EXPH5: variants seen among roughly 807,000 people sequenced by gnomAD.
EXPH5 encodes the protein exophilin 5.
EXPH5 carries 42 observed loss-of-function variants against 41.1 expected under a neutral mutation model. That is an observed-to-expected ratio of 1.02 (90% CI 0.80 to 1.32). EXPH5 has a LOEUF of 1.32. EXPH5 is among the 40% of genes most tolerant of loss of function. The probability of loss-of-function intolerance (pLI) is 0.00; values close to 1 mark genes in which losing one functional copy is unlikely to be tolerated. For synonymous variants in EXPH5, 798 were observed against 833.5 expected (o/e 0.96, Z 0.73); for missense variants, 2,298 against 2,314.5 (o/e 0.99, Z 0.15).
At chr11:108,565,875 T>C (rs1159175391) in intron 1 of EXPH5, among the ~76,000 whole-genome samples, 1 of 152,226 alleles carries the variant, frequency 6.6e-6, no homozygotes, top group Non-Finnish European at 1.5e-5. Flanking sequence ...CTTTCCAACT[T>C]TCTCTTTTGT....
intron 1 of EXPH5, among the ~76,000 whole-genome samples, chr11:108,554,814 C>T (rs902378692): frequency 6.6e-6 from 1 of 152,142 alleles, no homozygotes; most frequent in Admixed American, 6.5e-5. Context: ...GTCCCAGGTA[C>T]TTGGCTGGCT....
chr11:108,542,603 G>A (rs2093918485), intron 1 of EXPH5, among the ~76,000 whole-genome samples: 2 of 152,130 alleles, frequency 1.3e-5, no homozygotes, highest in Admixed American at 6.5e-5. Flanking sequence ...GAGGGCCCAG[G>A]TAGGCAATGG....
chr11:108,564,218 G>A (rs540758387), intron 1 of EXPH5, among the ~76,000 whole-genome samples: 3 of 152,264 alleles, frequency 2.0e-5, no homozygotes, highest in African/African-American at 2.4e-5. Flanking sequence ...AACCCAGGAG[G>A]CAGAGGTTGC....
chr11:108,593,774 C>T (rs759404217), upstream of EXPH5: 50 of 1,535,276 alleles, frequency 3.3e-5, no homozygotes, highest in Non-Finnish European at 3.1e-5. Flanking sequence ...AAGTGAACGG[C>T]TAAAGGGAGA....
chr11:108,578,345 A>G (rs2136110083), intron 1 of EXPH5, among the ~76,000 whole-genome samples: 1 of 152,288 alleles, frequency 6.6e-6, no homozygotes, highest in African/African-American at 2.4e-5. Flanking sequence ...AGCTGGCTGT[A>G]AATGTGGATT....
At chr11:108,585,445 T>G (rs1169112163) in intron 1 of EXPH5, among the ~76,000 whole-genome samples, 1 of 152,118 alleles carries the variant, frequency 6.6e-6, no homozygotes, top group African/African-American at 2.4e-5. Context: ...AGAGGAAGCC[T>G]TTTTGCCCCT....
chr11:108,573,159 A>AGAAAGAAAGAAG (rs1249470999), intron 1 of EXPH5, among the ~76,000 whole-genome samples: 2 of 142,508 alleles, frequency 1.4e-5, no homozygotes, highest in African/African-American at 5.6e-5. Flanking sequence ...AAAGAAAGAA[A>AGAAAGAAAGAAG]GAAAGAAAGA....
intron 1 of EXPH5, among the ~76,000 whole-genome samples, chr11:108,562,202 G>A (rs2094014747): frequency 6.6e-6 from 1 of 151,686 alleles, no homozygotes; most frequent in Non-Finnish European, 1.5e-5. Context: ...GCATTGATTG[G>A]GACAGGAAAT....
chr11:108,533,824 C>CT (rs2093860380), intron 3 of EXPH5, among the ~76,000 whole-genome samples: 1 of 152,116 alleles, frequency 6.6e-6, no homozygotes, highest in Admixed American at 6.5e-5. Flanking sequence ...GAGATAGGGT[C>CT]TTGCTCTGTT....
intron 1 of EXPH5, among the ~76,000 whole-genome samples, chr11:108,547,891 C>T (rs1193807232): frequency 6.6e-6 from 1 of 151,932 alleles, no homozygotes; most frequent in Non-Finnish European, 1.5e-5. Flanking sequence ...AGGTGGATCA[C>T]CTGAGGTCAG....
At chr11:108,592,279 G>A (rs957561020) in intron 1 of EXPH5, among the ~76,000 whole-genome samples, 9 of 152,128 alleles carry the variant, frequency 5.9e-5, no homozygotes, top group Non-Finnish European at 1.5e-5. Flanking sequence ...AGGGGAGAAG[G>A]GTGAAGTCAG....
At chr11:108,528,510 T>C (rs2093814720) in intron 3 of EXPH5, among the ~76,000 whole-genome samples, 1 of 152,058 alleles carries the variant, frequency 6.6e-6, no homozygotes, top group African/African-American at 2.4e-5. Flanking sequence ...TCAGGCCTGA[T>C]CTTTGTGCGT....
At chr11:108,581,070 G>T (rs1464593259) in intron 1 of EXPH5, among the ~76,000 whole-genome samples, 1 of 152,166 alleles carries the variant, frequency 6.6e-6, no homozygotes. Flanking sequence ...ACTTTGGGAG[G>T]CTGAGGCAGG....
Position 108,509,418 on chromosome 11 carries a change from A to T in EXPH5, c.*119T>A. On this transcript the variant is annotated 3_prime_UTR_variant, in exon 6 of 6. Coordinates refer to ENST00000265843, the MANE Select transcript of EXPH5 (RefSeq NM_015065.3). Reference sequence around the variant, plus strand: ...GAGGAAAAAAAAGGAGATGTGGGACATTTCAGAGCAGACACTGCCCAGACT... The same window carrying T: ...GAGGAAAAAAAAGGAGATGTGGGACTTTTCAGAGCAGACACTGCCCAGACT... 1.1e-6 allele frequency: 1 copy of T among 918,112 alleles called. No individual in the cohort carries two copies. Among genetic ancestry groups the T allele is most frequent in the Non-Finnish European group, 1.6e-6 (1 of 629,048 alleles). 56.9% of individuals were successfully genotyped at this position (918,112 alleles called of 1,614,324 possible). A position where few individuals can be genotyped will look rare whatever the true frequency, so the allele number is the denominator to read the frequency against.
chr11:108,572,550 G>T (rs1385693927), intron 1 of EXPH5, among the ~76,000 whole-genome samples: 3 of 152,096 alleles, frequency 2.0e-5, no homozygotes, highest in African/African-American at 4.8e-5. Flanking sequence ...TTTATTTTTA[G>T]TTTTAGTTAT....
At chr11:108,585,170 C>G (rs2094109664) in intron 1 of EXPH5, among the ~76,000 whole-genome samples, 1 of 152,172 alleles carries the variant, frequency 6.6e-6, no homozygotes, top group Non-Finnish European at 1.5e-5. Context: ...TCATTAGTCA[C>G]TAGGGAAATG....
chr11:108,580,706 A>G (rs1032827407), intron 1 of EXPH5, among the ~76,000 whole-genome samples: 8 of 152,298 alleles, frequency 5.3e-5, no homozygotes, highest in African/African-American at 1.9e-4. Context: ...TATATACTGT[A>G]GAATACTATT....
chr11:108,523,603 G>A (rs1361733341), intron 4 of EXPH5, among the ~76,000 whole-genome samples: 1 of 152,218 alleles, frequency 6.6e-6, no homozygotes, highest in African/African-American at 2.4e-5. Context: ...TGTGTGTGGT[G>A]GCTCATGTCT....
intron 1 of EXPH5, among the ~76,000 whole-genome samples, chr11:108,566,948 A>G (rs1279805640): frequency 1.3e-5 from 2 of 152,238 alleles, no homozygotes; most frequent in South Asian, 2.1e-4. Flanking sequence ...TGAGAGACAG[A>G]GCTAGGGAGA....
Sources: allele counts gnomAD v4.1 joint callset (sites outside exome capture counted in the v4.1 genomes callset), GRCh38; gene constraint gnomAD v4.1.1; transcripts MANE v1.5; gene names NCBI Gene and HGNC (gene_info 2026-07-23, HGNC 2026-07-21).